TCERG1L: variants seen among roughly 807,000 people sequenced by gnomAD.
The protein encoded by TCERG1L is transcription elongation regulator 1 like.
TCERG1L carries 37 observed loss-of-function variants against 56.3 expected under a neutral mutation model. The ratio of observed to expected loss-of-function variants is 0.66; its 90% CI spans 0.51 to 0.87. The LOEUF (loss-of-function observed/expected upper bound fraction) is 0.87. Ranked by LOEUF, TCERG1L falls within the 40% of genes least tolerant of loss-of-function variation. The pLI is 0.00. For missense variants in TCERG1L, 799 were observed against 774.2 expected (o/e 1.03, Z -0.38); for synonymous variants, 324 against 326.3 (o/e 0.99, Z 0.08).
chr10:131,181,998 A>G (rs1435961302), intron 4 of TCERG1L, among the ~76,000 whole-genome samples: 1 of 152,260 alleles, frequency 6.6e-6, no homozygotes, highest in Non-Finnish European at 1.5e-5. Flanking sequence ...GTGTGTGTGC[A>G]CATAGCACAC....
At chr10:131,196,808 C>G (rs964016471) in intron 4 of TCERG1L, among the ~76,000 whole-genome samples, 1 of 152,274 alleles carries the variant, frequency 6.6e-6, no homozygotes, top group African/African-American at 2.4e-5. Flanking sequence ...CTGCTGTCAT[C>G]ATGCGCTAGC....
At chr10:131,144,039 T>C (rs1564800521) in intron 7 of TCERG1L, among the ~76,000 whole-genome samples, 1 of 151,688 alleles carries the variant, frequency 6.6e-6, no homozygotes, top group East Asian at 1.9e-4. Context: ...AACTTCCACG[T>C]CTCCTATCCC....
chr10:131,297,077 T>C (rs1393806350), intron 3 of TCERG1L, among the ~76,000 whole-genome samples: 1 of 152,202 alleles, frequency 6.6e-6, no homozygotes, highest in Non-Finnish European at 1.5e-5. Flanking sequence ...TTCTTTTCTT[T>C]TTACTTTTTG....
At chr10:131,282,004 C>A (rs184151667) in intron 3 of TCERG1L, among the ~76,000 whole-genome samples, 1 of 151,868 alleles carries the variant, frequency 6.6e-6, no homozygotes, top group East Asian at 1.9e-4. Flanking sequence ...GGCGCGGTGG[C>A]GGGCGCCTGT....
intron 4 of TCERG1L, among the ~76,000 whole-genome samples, chr10:131,170,768 C>T (rs1462154663): frequency 1.3e-5 from 2 of 152,176 alleles, no homozygotes; most frequent in Admixed American, 6.5e-5. Context: ...TCTCAAAGGG[C>T]CGCAGGGACT....
intron 4 of TCERG1L, among the ~76,000 whole-genome samples, chr10:131,176,922 GC>G (rs1846163396): frequency 9.5e-4 from 5 of 5,272 alleles, no homozygotes; most frequent in African/African-American, 2.3e-3. Context: ...CAAGATACAT[GC>G]ACACAGACAC....
At chr10:131,169,212 C>T (rs1467479072) in intron 4 of TCERG1L, among the ~76,000 whole-genome samples, 2 of 152,118 alleles carry the variant, frequency 1.3e-5, no homozygotes, top group African/African-American at 4.8e-5. Flanking sequence ...TCTGCCTCCT[C>T]ATCTACAAGA....
chr10:131,243,357 G>T (rs559427426), intron 4 of TCERG1L, among the ~76,000 whole-genome samples: 1 of 152,246 alleles, frequency 6.6e-6, no homozygotes, highest in African/African-American at 2.4e-5. Flanking sequence ...CGAGATGGGT[G>T]GATCACTTGA....
At chr10:131,094,458 C>T (rs937608743) in intron 11 of TCERG1L, among the ~76,000 whole-genome samples, 2 of 152,180 alleles carry the variant, frequency 1.3e-5, no homozygotes, top group East Asian at 1.9e-4. Flanking sequence ...AAGATTATGC[C>T]GACATGGCTG....
intron 3 of TCERG1L, among the ~76,000 whole-genome samples, chr10:131,268,414 T>C (rs910036991): frequency 1.3e-5 from 2 of 152,222 alleles, no homozygotes; most frequent in Non-Finnish European, 2.9e-5. Context: ...GCATCGTTCT[T>C]GAGGGCCTTA....
intron 3 of TCERG1L, among the ~76,000 whole-genome samples, chr10:131,303,570 C>T (rs961935019): frequency 2.0e-5 from 3 of 152,068 alleles, no homozygotes; most frequent in Non-Finnish European, 2.9e-5. Flanking sequence ...CTTCCATTCA[C>T]GAAATCTGTG....
intron 7 of TCERG1L, among the ~76,000 whole-genome samples, chr10:131,135,773 G>A (rs1320030068): frequency 6.6e-6 from 1 of 152,244 alleles, no homozygotes; most frequent in African/African-American, 2.4e-5. Flanking sequence ...CAGCAAGGCT[G>A]CAGTATCCAT....
chr10:131,145,850 T>C (rs11017754), intron 7 of TCERG1L, among the ~76,000 whole-genome samples: 7,518 of 152,332 alleles, frequency 0.049, 271 homozygotes, highest in South Asian at 0.22. Flanking sequence ...CCACATGCTC[T>C]GGGAGGAGGG....
chr10:131,159,592 G>C (rs1462185236), intron 6 of TCERG1L, among the ~76,000 whole-genome samples: 1 of 152,208 alleles, frequency 6.6e-6, no homozygotes, highest in East Asian at 1.9e-4. Context: ...GACCCTGGCT[G>C]ACTCTGGGGA....
chr10:131,138,954 T>C (rs1382899566), intron 7 of TCERG1L, among the ~76,000 whole-genome samples: 1 of 152,228 alleles, frequency 6.6e-6, no homozygotes, highest in Non-Finnish European at 1.5e-5. Context: ...ACTGTTAGCC[T>C]TGATCTTCAA....
chr10:131,132,973 C>T (rs10829912), intron 8 of TCERG1L, among the ~76,000 whole-genome samples: 42,352 of 151,964 alleles, frequency 0.28, 6,729 homozygotes, highest in Non-Finnish European at 0.36. Context: ...GAGAAGAGCC[C>T]TTTACCTCCT....
intron 3 of TCERG1L, among the ~76,000 whole-genome samples, chr10:131,286,691 TAGAG>T (rs1308221000): frequency 2.6e-5 from 4 of 152,186 alleles, no homozygotes; most frequent in Non-Finnish European, 4.4e-5. Context: ...ATCAAAGAAA[TAGAG>T]AGGTCACATT....
intron 5 of TCERG1L, among the ~76,000 whole-genome samples, chr10:131,165,417 T>C (rs945718575): frequency 1.3e-5 from 2 of 152,238 alleles, no homozygotes; most frequent in African/African-American, 4.8e-5. Flanking sequence ...TTGTAATGTA[T>C]ATTATAACAT....
chr10:131,193,895 TGGAAAG>T (rs1345485800), intron 4 of TCERG1L, among the ~76,000 whole-genome samples: 1 of 152,260 alleles, frequency 6.6e-6, no homozygotes, highest in African/African-American at 2.4e-5. Context: ...TGAGTCTTGC[TGGAAAG>T]CACAGCCCTG....
Sources: allele counts gnomAD v4.1 joint callset (sites outside exome capture counted in the v4.1 genomes callset), GRCh38; gene constraint gnomAD v4.1.1; transcripts MANE v1.5; gene names NCBI Gene and HGNC (gene_info 2026-07-23, HGNC 2026-07-21).